NUP188: variants seen among roughly 807,000 people sequenced by gnomAD.
NUP188 encodes nucleoporin 188.
In NUP188, 97 loss-of-function variants were observed where a neutral mutation model predicts 223.0. The ratio of observed to expected loss-of-function variants is 0.43; its 90% CI spans 0.37 to 0.51. NUP188 has a LOEUF of 0.51. Ranked by LOEUF, NUP188 falls within the 20% of genes least tolerant of loss-of-function variation. The pLI is 0.00. For synonymous variants in NUP188, 869 were observed against 828.0 expected, an observed-to-expected ratio of 1.05 and a Z score of -0.85; for missense variants, 1,947 against 2,175.6, an observed-to-expected ratio of 0.89 and a Z score of 2.09.
Position 129,003,468 on chromosome 9 carries a change from A to G in NUP188, c.4434+14A>G, listed in dbSNP as rs747171566. ...CGTGATATCCAGGTGGGGGCCCAAG[A>G]TGGTGTCTTGGAGTCTGGGGTAATG... On this transcript the variant is annotated intron_variant, in intron 38 of 43. Transcript: ENST00000372577. 1.2e-6 allele frequency: 2 copies of G among 1,606,912 alleles called. No homozygotes were observed. Among genetic ancestry groups the G allele is most frequent in the East Asian group, 4.5e-5 (2 of 44,872 alleles).
At chr9:128,955,629 T>C (rs1393950259) in intron 3 of NUP188, among the ~76,000 whole-genome samples, 2 of 152,170 alleles carry the variant, frequency 1.3e-5, no homozygotes, top group African/African-American at 2.4e-5. Context: ...CTTCCTTTTT[T>C]CTTTTTTTCT....
rs1446042329 is a variant in NUP188 at position 129,006,464 on chromosome 9, A to G, written c.5074-38A>G. 4 of 1,611,920 alleles carry G rather than the reference A, an allele frequency of 2.5e-6. No individual in the cohort carries two copies. In the Admixed American group the frequency reaches 6.7e-5, roughly 27 times the overall value. ...CCCCAAGGGTCAGAACAGTAGCCAGATGTGCTGAGCCTCACCAAGCCACTT... is the reference window on the plus strand; with the variant it reads ...CCCCAAGGGTCAGAACAGTAGCCAGGTGTGCTGAGCCTCACCAAGCCACTT... On this transcript the variant is annotated intron_variant, in intron 43 of 43. Coordinates refer to ENST00000372577, the MANE Select transcript of NUP188 (RefSeq NM_015354.3).
At chr9:128,950,715 C>T (rs1457525524) in intron 2 of NUP188, among the ~76,000 whole-genome samples, 1 of 152,040 alleles carries the variant, frequency 6.6e-6, no homozygotes, top group Non-Finnish European at 1.5e-5. Context: ...CATGGTGGTG[C>T]ATGTCTGTAG....
chr9:128,996,051 AG>A (rs894951298), intron 30 of NUP188, among the ~76,000 whole-genome samples: 2 of 152,190 alleles, frequency 1.3e-5, no homozygotes, highest in Non-Finnish European at 2.9e-5. Context: ...AACATCTGGA[AG>A]AAATGCATTG....
At position 129,006,727 on chromosome 9, in the gene NUP188, C is replaced by G. The variant is rs1842818379; in HGVS notation, c.*49C>G. 1 of 1,551,032 alleles carries G rather than the reference C, an allele frequency of 6.4e-7. No individual in the cohort carries two copies. Among genetic ancestry groups the G allele is most frequent in the African/African-American group, 1.4e-5 (1 of 73,178 alleles). On this transcript the variant is annotated 3_prime_UTR_variant, in exon 44 of 44. Transcript: ENST00000372577. ...CCCCTCTCCACCAGCCTACACTGCA[C>G]CCTGGCTGGCAGGGGTGCTGCTGGC...
At chr9:128,998,811 T>C (rs978726239) in intron 32 of NUP188, among the ~76,000 whole-genome samples, 188 bp downstream of exon 32, 79 of 151,326 alleles carry the variant, frequency 5.2e-4, no homozygotes, top group African/African-American at 1.9e-3. Context: ...AGGGGCAGTG[T>C]GTGGCCTTTT....
In NUP188 at chr9:129,001,638, C is replaced by T; in HGVS notation, c.3953C>T (p.Thr1318Ile). ...RRLPILPTLL[T>I]TLEVSLRMKQ... The stretch of plus-strand genomic sequence containing the variant: ...CTCCCCATCCTACCCACCCTCCTCA[C>T]CACTCTAGAGGTGAGCCTTCGCATG... The change falls in exon 35 of 44, where the codon ACC (threonine) becomes ATC (isoleucine). Residue 1318 changes from threonine to isoleucine, a missense_variant. Coordinates refer to ENST00000372577, the MANE Select transcript of NUP188 (RefSeq NM_015354.3). 1 of 1,614,076 alleles carries T rather than the reference C, an allele frequency of 6.2e-7. No individual in the cohort carries two copies.
Position 129,005,153 on chromosome 9 carries a change from C to T in NUP188, c.4441C>T (p.Leu1481=). Residue 1481 remains leucine, a synonymous_variant, in exon 39 of 44, where the codon CTG becomes TTG. Transcript: ENST00000372577. ...PQLMRDIQVN[L]GYLCQACTSL... ...TCTCCTGTGTCTCTCCCAGGTCAACCTGGGTTACTTGTGCCAGGCATGTAC... is the reference window on the plus strand; with the variant it reads ...TCTCCTGTGTCTCTCCCAGGTCAACTTGGGTTACTTGTGCCAGGCATGTAC... The T allele has an allele frequency of 6.2e-7, 1 of 1,613,814 alleles. No homozygotes were observed. Among genetic ancestry groups the T allele is most frequent in the Non-Finnish European group, 8.5e-7 (1 of 1,179,680 alleles).
At chr9:129,005,551 A>G in intron 40 of NUP188, 21 bp downstream of exon 40, 1 of 1,610,254 alleles carries the variant, frequency 6.2e-7, no homozygotes, top group South Asian at 1.1e-5. Flanking sequence ...TCATCTGTTC[A>G]GCACCACCTC....
chr9:128,977,327 G>A (rs943488372), intron 12 of NUP188, among the ~76,000 whole-genome samples: 14 of 151,874 alleles, frequency 9.2e-5, no homozygotes, highest in Admixed American at 9.2e-4. Flanking sequence ...CACCATGGTA[G>A]CCAGGATGGT....
At position 129,002,989 on chromosome 9, in the gene NUP188, T is replaced by G. The variant is rs1408758777; in HGVS notation, c.4296+14T>G. 6.2e-7 allele frequency: 1 copy of G among 1,613,202 alleles called. No homozygotes were observed. Among genetic ancestry groups the G allele is most frequent in the Non-Finnish European group, 8.5e-7 (1 of 1,179,628 alleles). ...CGGACCTTACAGGTGAGGGGCTGCC[T>G]GCATTGCAGGGGTGGGAGTTTCAGG... On this transcript the variant is annotated intron_variant, in intron 37 of 43. Transcript: ENST00000372577.
intron 25 of NUP188, chr9:128,992,988 G>A (rs1337365547): frequency 3.5e-6 from 2 of 565,356 alleles, no homozygotes; most frequent in African/African-American, 1.9e-5. Context: ...GGGAAGTTGA[G>A]CATTTCTTTA....
chr9:128,995,129 A>G lies in NUP188; in HGVS notation c.3156-190A>G, dbSNP rs1004149099. ...AAAGAGTTATTGTGAAGCAAACTCC[A>G]TGCAACTGGGATTTTATGGAGGAGG... On this transcript the variant is annotated intron_variant, in intron 29 of 43. Coordinates refer to ENST00000372577, the MANE Select transcript of NUP188 (RefSeq NM_015354.3). 4.7e-6 allele frequency: 3 copies of G among 635,246 alleles called. No homozygotes were observed. In the African/African-American group the frequency reaches 5.5e-5, roughly 12 times the overall value. The allele number at this position is 635,246 out of a possible 1,614,324, so 39.4% of individuals were successfully genotyped here.
intron 8 of NUP188, among the ~76,000 whole-genome samples, chr9:128,966,250 GTC>G (rs1842027986): frequency 7.7e-6 from 1 of 129,390 alleles, no homozygotes; most frequent in African/African-American, 2.9e-5. Flanking sequence ...GTCTCTGTCT[GTC>G]TCTGTGTCTG....
At chr9:128,985,169 A>T (rs1842316718) in intron 20 of NUP188, 155 bp downstream of exon 20, 2 of 588,326 alleles carry the variant, frequency 3.4e-6, no homozygotes, top group South Asian at 2.2e-5. Context: ...GTTTCTATGT[A>T]TTGAGTACCT....
chr9:128,978,583 A>G (rs1358292039), intron 12 of NUP188, among the ~76,000 whole-genome samples: 2 of 150,220 alleles, frequency 1.3e-5, no homozygotes, highest in Non-Finnish European at 3.0e-5. Flanking sequence ...AAAAAAAGGT[A>G]AAAAGGAAGA....
rs757504917 is a variant in NUP188, at chr9:129,001,576, C to G, written c.3891C>G (p.Asp1297Glu). ...LHLAKELCEV[D>E]EDGDSWLQVT... ...TGGCCAAGGAGCTGTGTGAGGTAGA[C>G]GAGGATGGTGACTCCTGGCTGCAGG... The change falls in exon 35 of 44, where the codon GAC (aspartate) becomes GAG (glutamate). Residue 1297 changes from aspartate (D) to glutamate (E), a missense_variant. Around this residue, in one of 3 missense-constraint regions of NUP188, gnomAD observed 905 missense variants for 990.6 expected, o/e 0.91. Coordinates refer to ENST00000372577, the MANE Select transcript of NUP188 (RefSeq NM_015354.3). The G allele has an allele frequency of 6.2e-7, 1 of 1,614,046 alleles. No individual in the cohort carries two copies. The highest frequency in any genetic ancestry group is 1.3e-5 in the African/African-American group (1 of 74,998).
At chr9:128,985,093 G>A (rs1842315522) in intron 20 of NUP188, 79 bp downstream of exon 20, 8 of 969,206 alleles carry the variant, frequency 8.3e-6, no homozygotes, top group Admixed American at 2.2e-5. Context: ...TAGTTTCCCT[G>A]GCCCCTGGTG....
At position 128,983,508 on chromosome 9, in the gene NUP188, C is replaced by T. The variant is rs1224945566; in HGVS notation, c.1919C>T (p.Pro640Leu). The T allele has an allele frequency of 6.2e-7, 1 of 1,614,098 alleles. No individual in the cohort carries two copies. The highest frequency in any genetic ancestry group is 1.1e-5 in the South Asian group (1 of 91,070). ...GATCTTCGTCACACAGGTTTTTTAC[C>T]ATTTGTGGCCCATCCTGTCTCCAGC... ...WTDLRHTGFL[P>L]FVAHPVSSLS... The change falls in exon 19 of 44, where the codon CCA (proline) becomes CTA (leucine). Residue 640 changes from proline to leucine, a missense_variant. Around this residue, in one of 3 missense-constraint regions of NUP188, gnomAD observed 817 missense variants for 865.8 expected, o/e 0.94. Coordinates refer to ENST00000372577, the MANE Select transcript of NUP188 (RefSeq NM_015354.3).
Sources: gnomAD v4.1 joint callset for allele counts (sites outside exome capture counted in the v4.1 genomes callset) on GRCh38, gnomAD v4.1.1 for gene constraint, gnomAD v4.1.1 regional missense constraint, MANE v1.5 for transcripts, NCBI Gene and HGNC (gene_info 2026-07-23, HGNC 2026-07-21) for gene names.